Variants in TNRC6C observed in about 807,000 individuals in gnomAD.
The protein encoded by TNRC6C is trinucleotide repeat-containing gene 6C protein.
Under a neutral mutation model 153.7 loss-of-function variants are expected in TNRC6C, and 20 were observed. That is an observed-to-expected ratio of 0.13 (90% CI 0.09 to 0.19). The LOEUF (loss-of-function observed/expected upper bound fraction) is 0.19, where lower values mean the gene tolerates loss of function less well. Ranked by LOEUF, TNRC6C falls within the 10% of genes least tolerant of loss-of-function variation. The pLI is 1.00. For missense variants in TNRC6C, 1,987 were observed against 2,172.0 expected, an observed-to-expected ratio of 0.91 and a Z score of 1.69; for synonymous variants, 811 against 841.4, an observed-to-expected ratio of 0.96 and a Z score of 0.63.
In TNRC6C at chr17:78,051,434, C is replaced by T. The variant is rs759406405; in HGVS notation, c.2372C>T (p.Pro791Leu). 24 of 1,501,230 alleles carry T rather than the reference C, an allele frequency of 1.6e-5. No homozygotes were observed. The highest frequency in any genetic ancestry group is 1.9e-5 in the Non-Finnish European group (21 of 1,122,616). The allele number at this position is 1,501,230 out of a possible 1,614,324, so 93.0% of individuals were successfully genotyped here. Residue 791 changes from proline to leucine, a missense_variant, in exon 3 of 20, where the codon CCG becomes CTG. By Grantham distance (98) the Pro-to-Leu change is moderately conservative. Coordinates refer to ENST00000301624, the Ensembl canonical transcript of TNRC6C. ...GCCGGTACTCAGCTGAATCGATCAC[C>T]GTTGCTTGGTCCAGGTAGGAAAGGT...
chr17:77,998,766 T>C (rs2071367540), intron 1 of TNRC6C, among the ~76,000 whole-genome samples: 1 of 152,260 alleles, frequency 6.6e-6, no homozygotes, highest in Non-Finnish European at 1.5e-5. Context: ...ATTTGGCCAT[T>C]GATGTCTGTT....
At chr17:78,004,189 CAAGAA>C, upstream of TNRC6C, 1 of 1,230,992 alleles carries the variant, frequency 8.1e-7, no homozygotes. Flanking sequence ...GCAAGAAACA[CAAGAA>C]GAGGAACGTT....
At chr17:78,038,083 A>G (rs976760710) in intron 2 of TNRC6C, among the ~76,000 whole-genome samples, 1 of 152,208 alleles carries the variant, frequency 6.6e-6, no homozygotes, top group Non-Finnish European at 1.5e-5. Flanking sequence ...CAAATATAAG[A>G]ACTACAGAAA....
chr17:78,094,498 G>A (rs188700746), intron 16 of TNRC6C, among the ~76,000 whole-genome samples: 172 of 151,532 alleles, frequency 1.1e-3, no homozygotes, highest in Middle Eastern at 6.8e-3. Flanking sequence ...GAGTATAGTG[G>A]CGTGATCTTG....
At position 77,968,275 on chromosome 17, in the gene TNRC6C, G is replaced by A. The variant is rs569306736; in HGVS notation, c.-38+9007G>A. On this transcript the variant is annotated intron_variant, in intron 1 of 22. Transcript: ENST00000636222. ...TCTCAAACTCCTGACCTCGTGATTC[G>A]CCCACCTCGGCCTCCCAAAGCACTG... Among the ~76,000 whole-genome samples the A allele has an allele frequency of 6.9e-4, 104 of 150,874 alleles. 1 individual carries two copies. Among genetic ancestry groups the A allele is most frequent in the Non-Finnish European group, 9.0e-4 (61 of 67,786 alleles).
intron 1 of TNRC6C, among the ~76,000 whole-genome samples, chr17:78,029,007 A>G (rs1011733896): frequency 3.3e-5 from 5 of 152,230 alleles, no homozygotes; most frequent in African/African-American, 4.8e-5. Flanking sequence ...AAACCCTATT[A>G]TTAGGTTATC....
chr17:78,093,763 G>A (rs764759573), exon 16 of TNRC6C: 1 of 1,613,790 alleles, frequency 6.2e-7, no homozygotes, highest in South Asian at 1.1e-5. Flanking sequence ...CAAGAGTGGA[G>A]GTGAGGGTGC....
At chr17:77,960,927 T>C (rs1401345083) in intron 1 of TNRC6C, among the ~76,000 whole-genome samples, 2 of 152,212 alleles carry the variant, frequency 1.3e-5, no homozygotes, top group Non-Finnish European at 1.5e-5. Flanking sequence ...GTTTTTAATA[T>C]TTATTTTCAT....
At chr17:78,059,491 A>G (rs1233887156) in intron 3 of TNRC6C, among the ~76,000 whole-genome samples, 6 of 152,220 alleles carry the variant, frequency 3.9e-5, no homozygotes, top group Admixed American at 3.9e-4. Flanking sequence ...TGAACCCCAC[A>G]TGCAAAGGCC....
intron 11 of TNRC6C, 30 bp downstream of exon 13, chr17:78,083,196 C>T: frequency 1.2e-6 from 2 of 1,612,484 alleles, no homozygotes; most frequent in Non-Finnish European, 1.7e-6. Flanking sequence ...CAAGTTAGAG[C>T]ACGCAGGCCG....
intron 3 of TNRC6C, among the ~76,000 whole-genome samples, chr17:78,055,204 T>C (rs531116341): frequency 6.6e-6 from 1 of 152,378 alleles, no homozygotes; most frequent in African/African-American, 2.4e-5. Context: ...TATATTCTTA[T>C]TCTATGAGCT....
At chr17:78,028,694 C>T (rs537514243) in intron 1 of TNRC6C, among the ~76,000 whole-genome samples, 90 of 152,196 alleles carry the variant, frequency 5.9e-4, no homozygotes, top group African/African-American at 2.1e-3. Context: ...TCATGAACCA[C>T]CCCCCAATGT....
At chr17:78,069,537 C>T (rs1446358133) in intron 5 of TNRC6C, among the ~76,000 whole-genome samples, 1 of 152,200 alleles carries the variant, frequency 6.6e-6, no homozygotes, top group East Asian at 1.9e-4. Flanking sequence ...GTGCATGCCA[C>T]TCTGCCCAAC....
intron 1 of TNRC6C, among the ~76,000 whole-genome samples, chr17:78,028,650 T>C (rs1232784336): frequency 4.6e-5 from 7 of 151,944 alleles, no homozygotes; most frequent in Admixed American, 4.6e-4. Context: ...GCAGGTAGAC[T>C]GGAGCTGACA....
At chr17:78,068,860 A>G (rs1056017578) in intron 5 of TNRC6C, among the ~76,000 whole-genome samples, 18 of 152,180 alleles carry the variant, frequency 1.2e-4, no homozygotes, top group African/African-American at 4.1e-4. Flanking sequence ...TCTCATATAT[A>G]CATGAGCTAC....
intron 1 of TNRC6C, among the ~76,000 whole-genome samples, chr17:77,983,321 A>T (rs558806661): frequency 6.6e-6 from 1 of 152,176 alleles, no homozygotes; most frequent in Non-Finnish European, 1.5e-5. Context: ...CCCATTTGGG[A>T]CTGTTGATGC....
intron 4 of TNRC6C, chr17:78,067,094 AC>A (rs2072895496): frequency 6.6e-6 from 1 of 152,206 alleles, no homozygotes; most frequent in African/African-American, 2.4e-5. Context: ...TGTAATCCCA[AC>A]ACTTTGGGAT....
chr17:78,027,315 A>G (rs2071960870), intron 1 of TNRC6C, among the ~76,000 whole-genome samples: 1 of 152,138 alleles, frequency 6.6e-6, no homozygotes. Flanking sequence ...GATTGTTGCC[A>G]TTTGTGAAGA....
chr17:78,085,880 A>G (rs2073272151), intron 11 of TNRC6C, among the ~76,000 whole-genome samples: 1 of 151,870 alleles, frequency 6.6e-6, no homozygotes, highest in Admixed American at 6.6e-5. Flanking sequence ...TGAATCAAGC[A>G]GAAGAATTTT....
Sources: gnomAD v4.1 joint callset for allele counts (sites outside exome capture counted in the v4.1 genomes callset) on GRCh38, gnomAD v4.1.1 for gene constraint, MANE v1.5 for transcripts, NCBI Gene and HGNC (gene_info 2026-07-23, HGNC 2026-07-21) for gene names.